ZPBP: variants seen among roughly 807,000 people sequenced by gnomAD.
ZPBP encodes the protein zona pellucida binding protein, also known as zona pellucida-binding protein 1.
In ZPBP, 26 loss-of-function variants were observed where a neutral mutation model predicts 44.8. The ratio of observed to expected loss-of-function variants is 0.58; its 90% CI spans 0.43 to 0.81. ZPBP has a LOEUF of 0.81. Ranked by LOEUF, ZPBP falls within the 30% of genes least tolerant of loss-of-function variation. The pLI is 0.00. For missense variants in ZPBP, 409 were observed against 434.0 expected (o/e 0.94, Z 0.51); for synonymous variants, 174 against 153.2 (o/e 1.14, Z -1.00).
At chr7:49,866,294 T>A (rs1434956186) in intron 2 of ZPBP, among the ~76,000 whole-genome samples, 1 of 152,240 alleles carries the variant, frequency 6.6e-6, no homozygotes, top group Non-Finnish European at 1.5e-5. Context: ...GGTGTCTTGC[T>A]ATGGCCTAAC....
chr7:50,016,329 A>C (rs902091218), intron 6 of ZPBP, among the ~76,000 whole-genome samples: 1 of 152,164 alleles, frequency 6.6e-6, no homozygotes, highest in Non-Finnish European at 1.5e-5. Flanking sequence ...CAAATACCAC[A>C]TGTTGTCACT....
intron 1 of ZPBP, 139 bp downstream of exon 1, chr7:50,092,929 T>C (rs1803065089): frequency 7.7e-7 from 1 of 1,292,838 alleles, no homozygotes; most frequent in Admixed American, 3.2e-5. Context: ...CCATAAAAAA[T>C]AAGCCTTTCT....
chr7:49,922,421 G>A (rs369097868), intron 1 of ZPBP, among the ~76,000 whole-genome samples: 27 of 152,132 alleles, frequency 1.8e-4, no homozygotes, highest in East Asian at 7.7e-4. Flanking sequence ...TTAAGGCTAC[G>A]AACTTCCCAT....
At chr7:50,061,028 A>G (rs958577566) in intron 3 of ZPBP, among the ~76,000 whole-genome samples, 2 of 152,222 alleles carry the variant, frequency 1.3e-5, no homozygotes, top group African/African-American at 2.4e-5. Context: ...AATAAATTTG[A>G]TTCATCACAG....
chr7:50,081,823 C>T lies in ZPBP; in HGVS notation c.285G>A (p.Leu95=), dbSNP rs1483526400. The T allele has an allele frequency of 6.2e-7, 1 of 1,611,672 alleles. No individual in the cohort carries two copies. ...CATACCATTGGAATGATGGGTCTAT[C>T]AGTTCAGCATTTCGCAGTTGTTGCG... The part of the protein sequence containing the change: ...CVTQQLRNAE[L]IDPSFQWYGP... Residue 95 remains leucine, a synonymous_variant, in exon 3 of 8, where the codon CTG becomes CTA. Transcript: ENST00000046087.
intron 5 of ZPBP, among the ~76,000 whole-genome samples, chr7:50,019,754 G>T (rs1259368348): frequency 6.6e-6 from 1 of 151,894 alleles, no homozygotes; most frequent in African/African-American, 2.4e-5. Context: ...ATATTATGAG[G>T]TACTATACAA....
intron 2 of ZPBP, among the ~76,000 whole-genome samples, chr7:49,858,423 A>G (rs1313043011): frequency 6.6e-6 from 1 of 152,062 alleles, no homozygotes; most frequent in African/African-American, 2.4e-5. Flanking sequence ...GATGAAGCTG[A>G]AAACGATCAT....
chr7:50,056,556 G>A (rs1720449951), intron 4 of ZPBP: 1 of 152,172 alleles, frequency 6.6e-6, no homozygotes, highest in African/African-American at 2.4e-5. Flanking sequence ...GATATGACTA[G>A]ATATGGACAT....
chr7:49,997,980 T>C (rs958953798), intron 6 of ZPBP, among the ~76,000 whole-genome samples: 2 of 152,142 alleles, frequency 1.3e-5, no homozygotes, highest in Non-Finnish European at 2.9e-5. Flanking sequence ...TACAGTGGTG[T>C]GATCTCAGCT....
intron 2 of ZPBP, among the ~76,000 whole-genome samples, chr7:49,877,481 AAT>A (rs1220691094): frequency 0.027 from 342 of 12,730 alleles, 13 homozygotes; most frequent in Admixed American, 0.045. Context: ...AAAAAAAAAA[AAT>A]ATATATATAT....
intron 1 of ZPBP, among the ~76,000 whole-genome samples, chr7:50,090,871 T>C (rs1802956055): frequency 6.6e-6 from 1 of 152,128 alleles, no homozygotes; most frequent in Non-Finnish European, 1.5e-5. Flanking sequence ...CTACTTTCAG[T>C]TCTTTAGGGA....
At chr7:49,872,703 C>T (rs1430758983) in intron 2 of ZPBP, among the ~76,000 whole-genome samples, 3 of 149,292 alleles carry the variant, frequency 2.0e-5, no homozygotes, top group Non-Finnish European at 3.0e-5. Context: ...GTCAGGAGTT[C>T]CAGACCAGCC....
At chr7:50,082,974 A>G (rs1255071611) in intron 2 of ZPBP, among the ~76,000 whole-genome samples, 3 of 151,672 alleles carry the variant, frequency 2.0e-5, no homozygotes, top group African/African-American at 7.3e-5. Flanking sequence ...ATCTCACTAT[A>G]CCTCTTTTCA....
chr7:49,927,947 A>G (rs375000852), intron 1 of ZPBP, among the ~76,000 whole-genome samples: 54 of 152,306 alleles, frequency 3.5e-4, no homozygotes, highest in African/African-American at 1.2e-3. Flanking sequence ...CGATATGAAC[A>G]CAGCATTGCC....
At chr7:50,033,703 T>A (rs1208148939) in intron 4 of ZPBP, among the ~76,000 whole-genome samples, 1 of 151,878 alleles carries the variant, frequency 6.6e-6, no homozygotes, top group Non-Finnish European at 1.5e-5. Context: ...TATTTATTTA[T>A]TTATTTAGAG....
At chr7:49,892,730 G>A (rs1467922877) in intron 2 of ZPBP, among the ~76,000 whole-genome samples, 1 of 152,190 alleles carries the variant, frequency 6.6e-6, no homozygotes, top group Non-Finnish European at 1.5e-5. Flanking sequence ...CATATTGTGT[G>A]CAAAGGAGAC....
chr7:49,966,496 C>T (rs764998101), intron 7 of ZPBP, among the ~76,000 whole-genome samples: 3 of 152,172 alleles, frequency 2.0e-5, no homozygotes. Flanking sequence ...AAAGTACATA[C>T]TCTAATAGCT....
chr7:49,842,222 A>G, the ZPBP span, among the ~76,000 whole-genome samples: 1 of 152,192 alleles, frequency 6.6e-6, no homozygotes, highest in Non-Finnish European at 1.5e-5. Flanking sequence ...TGATAAATAC[A>G]TGTTAAATCT....
chr7:49,863,191 T>G (rs1228727866), intron 2 of ZPBP, among the ~76,000 whole-genome samples: 4 of 152,182 alleles, frequency 2.6e-5, no homozygotes, highest in African/African-American at 9.7e-5. Context: ...TCAGCTTAGG[T>G]AGTTTGTGTG....
Sources: allele counts gnomAD v4.1 joint callset (sites outside exome capture counted in the v4.1 genomes callset), GRCh38; gene constraint gnomAD v4.1.1; transcripts MANE v1.5; gene names NCBI Gene and HGNC (gene_info 2026-07-23, HGNC 2026-07-21).